Variants in CYB5R4 observed in about 807,000 individuals in gnomAD.
CYB5R4 encodes the protein N-terminal cytochrome b5 and cytochrome b5 oxidoreductase domain-containing protein.
In CYB5R4, 55 loss-of-function variants were observed where a neutral mutation model predicts 70.2. That is an observed-to-expected ratio of 0.78 (90% CI 0.63 to 0.98). The LOEUF is 0.98. Among genes scored for constraint, CYB5R4 ranks in the 50% least tolerant of loss-of-function variants. The pLI, the probability that CYB5R4 is intolerant of heterozygous loss-of-function variation, is 0.00. For missense variants in CYB5R4, 562 were observed against 612.6 expected (o/e 0.92, Z 0.87); for synonymous variants, 197 against 199.5 (o/e 0.99, Z 0.11).
In CYB5R4 at chr6:83,936,227, C is replaced by T; in HGVS notation, c.959C>T (p.Thr320Ile). 2.6e-6 allele frequency: 4 copies of T among 1,527,064 alleles called. No homozygotes were observed. The East Asian group carries it at 7.2e-5, about 28-fold the overall frequency. The allele number at this position is 1,527,064 out of a possible 1,614,324, so 94.6% of individuals were successfully genotyped here. Residue 320 changes from threonine (T) to isoleucine (I), a missense_variant, in exon 12 of 16, where the codon ACA becomes ATA. Thr to Ile is a moderately conservative substitution (Grantham distance 89). Transcript: ENST00000369681. ...HVYLKLPITG[T>I]EIVKPYTPVS... Reference sequence around the variant, plus strand: ...TTGCTGTGATTTTTTTTTCTAGGTACAGAAATAGTAAAGCCATATACACCT... The same window carrying T: ...TTGCTGTGATTTTTTTTTCTAGGTATAGAAATAGTAAAGCCATATACACCT...
intron 14 of CYB5R4, among the ~76,000 whole-genome samples, chr6:83,951,305 C>CT (rs1436885642): frequency 1.3e-5 from 2 of 152,176 alleles, no homozygotes; most frequent in Admixed American, 6.5e-5. Context: ...GATACCTATA[C>CT]TTTAAGTTCT....
At position 83,959,962 on chromosome 6, in the gene CYB5R4, A is replaced by C; in HGVS notation, c.*84A>C. On this transcript the variant is annotated 3_prime_UTR_variant, in exon 16 of 16. Transcript: ENST00000369681. ...GTTTTTTAAGAGAACATTTTTGTAC[A>C]TAACAAAAGGTTAACTAGAATCCAG... 1 of 1,056,040 alleles carries C rather than the reference A, an allele frequency of 9.5e-7. No homozygotes were observed. The highest frequency in any genetic ancestry group is 1.3e-6 in the Non-Finnish European group (1 of 744,312). The allele number at this position is 1,056,040 out of a possible 1,614,324, so 65.4% of individuals were successfully genotyped here.
Position 83,963,787 on chromosome 6 carries a change from C to CA in CYB5R4, c.*3910dup, listed in dbSNP as rs979468026. 8 of 152,306 alleles carry CA rather than the reference C, an allele frequency of 5.3e-5. No individual in the cohort carries two copies. The allele number at this position is 152,306 out of a possible 1,614,324, so 9.4% of individuals were successfully genotyped here. ...ATCCTGATATGGTTTGGCTCTGTGT[C>CA]ACCACCCAAATCTCATCTTGAATTG... On this transcript the variant is annotated 3_prime_UTR_variant, in exon 16 of 16. Coordinates refer to ENST00000369681, the MANE Select transcript of CYB5R4 (RefSeq NM_016230.4).
intron 10 of CYB5R4, among the ~76,000 whole-genome samples, chr6:83,932,891 C>A (rs1280382905): frequency 1.3e-5 from 2 of 152,200 alleles, no homozygotes; most frequent in African/African-American, 4.8e-5. Flanking sequence ...TGCCATCTCA[C>A]TGATACACTG....
intron 11 of CYB5R4, among the ~76,000 whole-genome samples, chr6:83,935,433 G>T (rs997941228): frequency 1.3e-5 from 2 of 152,012 alleles, no homozygotes; most frequent in Non-Finnish European, 2.9e-5. Flanking sequence ...ATCACTAATG[G>T]CTGGTTTTCT....
chr6:83,875,586 A>G (rs2099458400), intron 2 of CYB5R4, among the ~76,000 whole-genome samples: 1 of 152,144 alleles, frequency 6.6e-6, no homozygotes, highest in East Asian at 1.9e-4. Flanking sequence ...AGTGCAAAGT[A>G]AAAGCAAGTT....
rs570477251 is a variant in CYB5R4, at chr6:83,859,995, T to C, written c.75+138T>C. 5.2e-6 allele frequency: 4 copies of C among 765,376 alleles called. No individual in the cohort carries two copies. In the South Asian group the frequency reaches 7.3e-5, roughly 14 times the overall value. The allele number at this position is 765,376 out of a possible 1,614,324, so 47.4% of individuals were successfully genotyped here. A position where few individuals can be genotyped will look rare whatever the true frequency, so the allele number is the denominator to read the frequency against. ...CCCTGCTGTCCTTGCCTGCAACCTC[T>C]TTCTGATCCCACTTTGTCTACAGTC... On this transcript the variant is annotated intron_variant, in intron 1 of 15. Transcript: ENST00000369681.
chr6:83,958,337 A>G (rs556564261), intron 15 of CYB5R4, among the ~76,000 whole-genome samples: 8 of 152,284 alleles, frequency 5.3e-5, no homozygotes, highest in South Asian at 2.1e-4. Context: ...GAACACCACA[A>G]ATATCTTACT....
chr6:83,882,126 G>T (rs1031957599), intron 2 of CYB5R4, among the ~76,000 whole-genome samples: 1 of 152,122 alleles, frequency 6.6e-6, no homozygotes, highest in African/African-American at 2.4e-5. Flanking sequence ...GAAGATGACT[G>T]GTGAACAGTC....
Position 83,904,102 on chromosome 6 carries a change from C to G in CYB5R4, c.331-4907C>G, listed in dbSNP as rs181319620. Among the ~76,000 whole-genome samples the G allele has an allele frequency of 3.1e-3, 471 of 151,990 alleles. 1 individual carries two copies. Among genetic ancestry groups the G allele is most frequent in the African/African-American group, 0.011 (438 of 41,458 alleles). On this transcript the variant is annotated intron_variant, in intron 3 of 15. Transcript: ENST00000369681. ...TAATATTGCCTTTGGTTTGTTCTTG[C>G]TTTTCTAGTTCCTTGAGGTACATTG...
intron 2 of CYB5R4, among the ~76,000 whole-genome samples, chr6:83,864,826 G>C (rs2099456493): frequency 6.6e-6 from 1 of 152,076 alleles, no homozygotes; most frequent in Non-Finnish European, 1.5e-5. Context: ...ATTTTGTTTA[G>C]CTCAGAGTGC....
intron 2 of CYB5R4, among the ~76,000 whole-genome samples, chr6:83,892,692 C>G (rs1279173481): frequency 2.6e-5 from 4 of 152,174 alleles, no homozygotes; most frequent in African/African-American, 9.7e-5. Flanking sequence ...TTCCTTTTCA[C>G]AGAGCGTGCC....
At chr6:83,927,241 A>G (rs2099467438) in intron 10 of CYB5R4, among the ~76,000 whole-genome samples, 1 of 152,158 alleles carries the variant, frequency 6.6e-6, no homozygotes, top group Admixed American at 6.5e-5. Context: ...GAAAAAACAA[A>G]CTTTTTCCTA....
At chr6:83,866,252 G>C (rs945668504) in intron 2 of CYB5R4, among the ~76,000 whole-genome samples, 23 of 152,182 alleles carry the variant, frequency 1.5e-4, no homozygotes, top group Admixed American at 1.4e-3. Flanking sequence ...TTATTCATAT[G>C]ATGTATTGAT....
Position 83,959,840 on chromosome 6 carries a change from A to G in CYB5R4, c.1528A>G (p.Asn510Asp), listed in dbSNP as rs2099473045. The change falls in exon 16 of 16, where the codon AAC becomes GAC. Residue 510 changes from asparagine to aspartate, a missense_variant. Coordinates refer to ENST00000369681, the MANE Select transcript of CYB5R4 (RefSeq NM_016230.4). ...GTTTTTCAGGTTGCTGCATGATCTC[A>G]ACTTTTCCAAAAATGAGATCCATAG... Reference protein sequence around the residue: ...EQGVRLLHDLNFSKNEIHSFT... With the variant: ...EQGVRLLHDLDFSKNEIHSFT... 1 of 1,601,148 alleles carries G rather than the reference A, an allele frequency of 6.2e-7. No homozygotes were observed. Among genetic ancestry groups the G allele is most frequent in the Non-Finnish European group, 8.5e-7 (1 of 1,174,376 alleles).
intron 10 of CYB5R4, chr6:83,926,224 G>T (rs2099467251): frequency 6.6e-6 from 1 of 152,110 alleles, no homozygotes; most frequent in South Asian, 2.1e-4. Context: ...CATTTCTTTG[G>T]GAAAAGTCCA....
At position 83,864,230 on chromosome 6, in the gene CYB5R4, G is replaced by A; in HGVS notation, c.131G>A (p.Gly44Glu). 6.2e-7 allele frequency: 1 copy of A among 1,613,050 alleles called. No homozygotes were observed. The highest frequency in any genetic ancestry group is 8.5e-7 in the Non-Finnish European group (1 of 1,179,528). Residue 44 changes from glycine to glutamate, a missense_variant, in exon 2 of 16, where the codon GGA becomes GAA. Gly to Glu is a moderately conservative substitution (Grantham distance 98). Coordinates refer to ENST00000369681, the MANE Select transcript of CYB5R4 (RefSeq NM_016230.4). ...GATTGGATTCGACTGACCAAAAGTG[G>A]AAAGGATCTAACGGGATTAAAAGGC... is the stretch of plus-strand genomic sequence containing the variant. ...LMDWIRLTKS[G>E]KDLTGLKGRL...
In CYB5R4 at chr6:83,962,777, A is replaced by C. The variant is rs1167576572; in HGVS notation, c.*2899A>C. The C allele has an allele frequency of 6.6e-6, 1 of 152,178 alleles. No homozygotes were observed. Among genetic ancestry groups the C allele is most frequent in the Non-Finnish European group, 1.5e-5 (1 of 68,048 alleles). 9.4% of individuals were successfully genotyped at this position (152,178 alleles called of 1,614,324 possible). ...TTGCAGTTGTAGGACTGAGTTCCCC[A>C]TTTCCTTGCTAGCTGTTAGCTGTGG... is the stretch of plus-strand genomic sequence containing the variant. On this transcript the variant is annotated 3_prime_UTR_variant, in exon 16 of 16. Transcript: ENST00000369681.
chr6:83,934,653 G>T lies in CYB5R4; in HGVS notation c.873G>T (p.Arg291Ser), dbSNP rs1176220236. ...AGGAAGATGTTACTCATGATACGAG[G>T]CTTTTCTGTTTGATGCTGCCACCAA... Reference protein sequence around the residue: ...ISKEDVTHDTRLFCLMLPPST... With the variant: ...ISKEDVTHDTSLFCLMLPPST... The change falls in exon 11 of 16, where the codon AGG (arginine) becomes AGT (serine). Residue 291 changes from arginine (R) to serine (S), a missense_variant. Coordinates refer to ENST00000369681, the MANE Select transcript of CYB5R4 (RefSeq NM_016230.4). 1.2e-6 allele frequency: 2 copies of T among 1,613,412 alleles called. No homozygotes were observed. Among genetic ancestry groups the T allele is most frequent in the Admixed American group, 3.3e-5 (2 of 59,984 alleles).
Sources: allele counts gnomAD v4.1 joint callset (sites outside exome capture counted in the v4.1 genomes callset), GRCh38; gene constraint gnomAD v4.1.1; transcripts MANE v1.5; gene names NCBI Gene and HGNC (gene_info 2026-07-23, HGNC 2026-07-21).